DCLK1: variants seen among roughly 807,000 people sequenced by gnomAD.
DCLK1 encodes doublecortin like kinase 1.
In DCLK1, 16 loss-of-function variants were observed where a neutral mutation model predicts 86.2. That is an observed-to-expected ratio of 0.19 (90% CI 0.13 to 0.28). The LOEUF is 0.28. Ranked by LOEUF, DCLK1 falls within the 10% of genes least tolerant of loss-of-function variation. DCLK1 has a pLI of 1.00. For missense variants in DCLK1, 590 were observed against 940.2 expected, an observed-to-expected ratio of 0.63 and a Z score of 4.87; for synonymous variants, 369 against 370.5, an observed-to-expected ratio of 1.00 and a Z score of 0.05.
intron 4 of DCLK1, among the ~76,000 whole-genome samples, chr13:35,884,048 T>C (rs1218977781): frequency 6.6e-6 from 1 of 152,172 alleles, no homozygotes; most frequent in Non-Finnish European, 1.5e-5. Flanking sequence ...AGGTAGAACC[T>C]GGGGCACTTA....
intron 15 of DCLK1, among the ~76,000 whole-genome samples, chr13:35,798,335 T>A (rs1028073248): frequency 6.6e-6 from 1 of 152,194 alleles, no homozygotes; most frequent in African/African-American, 2.4e-5. Context: ...CCCTTGCGGA[T>A]TTTTGGTTTT....
chr13:35,883,974 T>G (rs918063210), intron 4 of DCLK1, among the ~76,000 whole-genome samples: 1 of 152,106 alleles, frequency 6.6e-6, no homozygotes, highest in Admixed American at 6.6e-5. Context: ...AGGACAGACT[T>G]CCCAGCTCTT....
At chr13:35,836,751 A>C (rs560447146) in intron 7 of DCLK1, among the ~76,000 whole-genome samples, 2 of 152,320 alleles carry the variant, frequency 1.3e-5, no homozygotes, top group South Asian at 4.2e-4. Flanking sequence ...ACTATCTATT[A>C]TGTCTGTGAA....
chr13:35,969,060 T>C (rs1878934687), intron 3 of DCLK1, among the ~76,000 whole-genome samples: 1 of 152,198 alleles, frequency 6.6e-6, no homozygotes, highest in African/African-American at 2.4e-5. Flanking sequence ...ATCAGGGCAA[T>C]TACCACCATA....
At chr13:35,927,826 C>T (rs944521618) in intron 4 of DCLK1, among the ~76,000 whole-genome samples, 3 of 152,164 alleles carry the variant, frequency 2.0e-5, no homozygotes, top group African/African-American at 7.2e-5. Flanking sequence ...GTTCCAATCA[C>T]AGGGCCTATG....
chr13:35,891,578 A>G (rs1873646278), intron 4 of DCLK1, among the ~76,000 whole-genome samples: 1 of 152,180 alleles, frequency 6.6e-6, no homozygotes, highest in Admixed American at 6.6e-5. Flanking sequence ...ATGTACTAAA[A>G]ACCATCGAAT....
intron 2 of DCLK1, among the ~76,000 whole-genome samples, chr13:36,114,931 A>C (rs1885729827): frequency 6.6e-6 from 1 of 152,210 alleles, no homozygotes; most frequent in Admixed American, 6.5e-5. Flanking sequence ...GATAAGTTAT[A>C]ATCTTGTTAA....
chr13:35,779,742 T>G (rs993399318), intron 16 of DCLK1, among the ~76,000 whole-genome samples: 3 of 152,228 alleles, frequency 2.0e-5, no homozygotes, highest in Non-Finnish European at 4.4e-5. Flanking sequence ...AAGCATTTAT[T>G]GTGGTCTAAT....
chr13:36,110,386 C>T (rs571638696), intron 3 of DCLK1, among the ~76,000 whole-genome samples: 2 of 152,142 alleles, frequency 1.3e-5, no homozygotes, highest in South Asian at 2.1e-4. Context: ...AATCCTTATC[C>T]GCATATTACT....
Position 35,774,654 on chromosome 13 carries a change from T to G in DCLK1, c.2104A>C (p.Asn702His). 1 of 1,610,360 alleles carries G rather than the reference T, an allele frequency of 6.2e-7. No individual in the cohort carries two copies. Among genetic ancestry groups the G allele is most frequent in the Non-Finnish European group, 8.5e-7 (1 of 1,178,488 alleles). Residue 702 changes from asparagine (N) to histidine (H), a missense_variant, in exon 17 of 17, where the codon AAC becomes CAC. Asn to His is a moderately conservative substitution (Grantham distance 68, BLOSUM62 1). Coordinates refer to ENST00000360631, the MANE Select transcript of DCLK1 (RefSeq NM_001330071.2). ...TTGTACCGGCTCCTCACATCCTGGTTGCGTCTTCGTCGGAAAACCTGCCTC... is the reference window on the plus strand; with the variant it reads ...TTGTACCGGCTCCTCACATCCTGGTGGCGTCTTCGTCGGAAAACCTGCCTC... ...KERQVFRRRR[N>H]QDVRSRYKAQ...
At chr13:35,965,511 A>C (rs1355459547) in intron 3 of DCLK1, among the ~76,000 whole-genome samples, 1 of 152,222 alleles carries the variant, frequency 6.6e-6, no homozygotes, top group African/African-American at 2.4e-5. Context: ...CCACATTTAA[A>C]AATATTTACT....
At chr13:35,867,285 C>G (rs1566576464) in intron 5 of DCLK1, among the ~76,000 whole-genome samples, 1 of 152,262 alleles carries the variant, frequency 6.6e-6, no homozygotes, top group East Asian at 1.9e-4. Flanking sequence ...TTTATATACA[C>G]AAAAAGCTCA....
At chr13:35,902,440 G>A (rs1193692125) in intron 4 of DCLK1, among the ~76,000 whole-genome samples, 1 of 152,170 alleles carries the variant, frequency 6.6e-6, no homozygotes, top group Non-Finnish European at 1.5e-5. Flanking sequence ...TCTGTATCCT[G>A]GCAGGATAGC....
intron 15 of DCLK1, among the ~76,000 whole-genome samples, chr13:35,798,726 G>A (rs901281095): frequency 6.6e-6 from 1 of 152,220 alleles, no homozygotes; most frequent in African/African-American, 2.4e-5. Context: ...TTTAAAATTT[G>A]TGAATATCAA....
intron 3 of DCLK1, among the ~76,000 whole-genome samples, chr13:36,099,300 T>C (rs1004987405): frequency 1.3e-5 from 2 of 152,244 alleles, no homozygotes; most frequent in Non-Finnish European, 2.9e-5. Context: ...AGAAGTGTTA[T>C]TAATTCAACT....
chr13:36,035,401 A>G (rs1882450118), intron 3 of DCLK1, among the ~76,000 whole-genome samples: 1 of 152,138 alleles, frequency 6.6e-6, no homozygotes, highest in South Asian at 2.1e-4. Flanking sequence ...GCACTGGATA[A>G]CTCATTTTTT....
At chr13:35,999,558 T>C (rs952690305) in intron 3 of DCLK1, among the ~76,000 whole-genome samples, 17 of 152,130 alleles carry the variant, frequency 1.1e-4, no homozygotes, top group African/African-American at 4.1e-4. Context: ...AAAAACCCCT[T>C]CTACCTGGCT....
intron 1 of DCLK1, among the ~76,000 whole-genome samples, chr13:36,127,125 A>G: frequency 6.6e-6 from 1 of 152,268 alleles, no homozygotes; most frequent in East Asian, 1.9e-4. Context: ...AGTTTTACAT[A>G]ATGTTTGTGT....
At chr13:36,130,727 T>C (rs867766244) in intron 1 of DCLK1, among the ~76,000 whole-genome samples, 30 of 151,910 alleles carry the variant, frequency 2.0e-4, no homozygotes, top group Non-Finnish European at 1.0e-4. Flanking sequence ...GCCCGGCCAC[T>C]CCTTCCTTGG....
Sources: allele counts gnomAD v4.1 joint callset (sites outside exome capture counted in the v4.1 genomes callset), GRCh38; gene constraint gnomAD v4.1.1; transcripts MANE v1.5; gene names NCBI Gene and HGNC (gene_info 2026-07-23, HGNC 2026-07-21).